The following TENT5C variants were observed in gnomAD, a reference collection of about 807,000 sequenced individuals.
The protein encoded by TENT5C is family with sequence similarity 46 member C.
A neutral mutation model predicts 22.2 loss-of-function variants in TENT5C; 5 were observed. The ratio of observed to expected loss-of-function variants is 0.22; its 90% confidence interval spans 0.12 to 0.47. The LOEUF (loss-of-function observed/expected upper bound fraction) is 0.47, where lower values mean the gene tolerates loss of function less well. Ranked by LOEUF, TENT5C falls within the 20% of genes least tolerant of loss-of-function variation. TENT5C has a pLI of 0.99. For synonymous variants in TENT5C, 199 were observed against 195.4 expected (o/e 1.02, Z -0.15); for missense variants, 364 against 500.9 (o/e 0.73, Z 2.61).
chr1:117,612,374 G>A (rs1342015604), intron 1 of TENT5C, among the ~76,000 whole-genome samples: 1 of 148,000 alleles, frequency 6.8e-6, no homozygotes, highest in Non-Finnish European at 1.5e-5. Context: ...TAGTTTCTTA[G>A]AGAATAATCA....
intron 1 of TENT5C, among the ~76,000 whole-genome samples, chr1:117,612,216 T>C (rs1370929773): frequency 6.6e-6 from 1 of 152,208 alleles, no homozygotes; most frequent in Non-Finnish European, 1.5e-5. Flanking sequence ...GCTTGAAACA[T>C]AGTAGGCATG....
intron 1 of TENT5C, among the ~76,000 whole-genome samples, chr1:117,620,581 AC>A (rs761230980): frequency 1.3e-3 from 196 of 151,944 alleles, no homozygotes; most frequent in Admixed American, 4.5e-3. Flanking sequence ...AGGGTTCCCC[AC>A]CCCCCTGACC....
rs71766466 is a variant in TENT5C at position 117,627,844 on chromosome 1, CTGTG to C, written c.*3817_*3820del. Reference sequence around the variant, plus strand: ...AAGGTTAAGATCAGGAAATAAAAGACTGTGTGTGTGTGTGTGTGTGCGTGTGTGT... The same window carrying C: ...AAGGTTAAGATCAGGAAATAAAAGACTGTGTGTGTGTGTGTGCGTGTGTGT... On this transcript the variant is annotated 3_prime_UTR_variant, in exon 2 of 2. Coordinates refer to ENST00000369448, the MANE Select transcript of TENT5C (RefSeq NM_017709.4). 642 of 235,574 alleles carry C rather than the reference CTGTG, an allele frequency of 2.7e-3. 2 individuals carry two copies. The highest frequency in any genetic ancestry group is 8.1e-3 in the African/African-American group (357 of 44,252). The allele number at this position is 235,574 out of a possible 1,614,324, so 14.6% of individuals were successfully genotyped here.
At chr1:117,612,195 C>T (rs1476169266) in intron 1 of TENT5C, among the ~76,000 whole-genome samples, 1 of 152,162 alleles carries the variant, frequency 6.6e-6, no homozygotes, top group Non-Finnish European at 1.5e-5. Flanking sequence ...ATCACAAGCT[C>T]CTGGAGCAGT....
In TENT5C at chr1:117,623,518, G is replaced by A; in HGVS notation, c.650G>A (p.Gly217Glu). Residue 217 changes from glycine (G) to glutamate (E), a missense_variant, in exon 2 of 2, where the codon GGG becomes GAG. Gly to Glu is a moderately conservative substitution (Grantham distance 98). This residue lies in a region of TENT5C where 303 missense variants were observed against 394.5 expected (regional missense o/e 0.77). Coordinates refer to ENST00000369448, the MANE Select transcript of TENT5C (RefSeq NM_017709.4). ...HPTVIGESMY[G>E]DFEEAFDHLQ... Reference sequence around the variant, plus strand: ...ACCGTGATTGGGGAGAGCATGTACGGGGACTTTGAGGAAGCTTTTGACCAT... The same window carrying A: ...ACCGTGATTGGGGAGAGCATGTACGAGGACTTTGAGGAAGCTTTTGACCAT... The A allele has an allele frequency of 6.2e-7, 1 of 1,613,904 alleles. No homozygotes were observed. The highest frequency in any genetic ancestry group is 8.5e-7 in the Non-Finnish European group (1 of 1,179,998).
rs780173405 is a variant in TENT5C at position 117,623,319 on chromosome 1, C to A, written c.451C>A (p.Arg151Ser). Residue 151 changes from arginine (R) to serine (S), a missense_variant, in exon 2 of 2, where the codon CGC becomes AGC. This residue lies in a region of TENT5C where 303 missense variants were observed against 394.5 expected (regional missense o/e 0.77). Transcript: ENST00000369448. ...AGTGAAGGTTTGCACGGACACTGAC[C>A]GCTGGAGCCTGATCTCCCTCTCCAA... ...KLVKVCTDTD[R>S]WSLISLSNKN... 4 of 1,613,982 alleles carry A rather than the reference C, an allele frequency of 2.5e-6. No individual in the cohort carries two copies. Among genetic ancestry groups the A allele is most frequent in the African/African-American group, 2.7e-5 (2 of 74,900 alleles).
chr1:117,625,858 A>G lies in TENT5C; in HGVS notation c.*1814A>G. 1 of 248,058 alleles carries G rather than the reference A, an allele frequency of 4.0e-6. No homozygotes were observed. The highest frequency in any genetic ancestry group is 8.5e-6 in the Non-Finnish European group (1 of 118,090). 15.4% of individuals were successfully genotyped at this position (248,058 alleles called of 1,614,324 possible). On this transcript the variant is annotated 3_prime_UTR_variant, in exon 2 of 2. Transcript: ENST00000369448. ...TATCTATGTTGTGCTACATTAGGTG[A>G]CTAGAAGCCACTTCTTAGTGTAATC...
In TENT5C at chr1:117,622,937, C is replaced by T. The variant is rs1441293811; in HGVS notation, c.69C>T (p.Ser23=). 20 of 1,614,082 alleles carry T rather than the reference C, an allele frequency of 1.2e-5. No homozygotes were observed. Among genetic ancestry groups the T allele is most frequent in the Non-Finnish European group, 1.7e-5 (20 of 1,180,038 alleles). The change falls in exon 2 of 2, where the codon AGC becomes AGT. Residue 23 remains serine (S), a synonymous_variant. Coordinates refer to ENST00000369448, the MANE Select transcript of TENT5C (RefSeq NM_017709.4). ...GCGTGCTCAACTGGGATCAGGTTAG[C>T]CGGCTGCATGAGGTCCTCACTGAAG... is the stretch of plus-strand genomic sequence containing the variant. ...SFSVLNWDQV[S]RLHEVLTEVV...
At chr1:117,612,347 C>T (rs202142873) in intron 1 of TENT5C, among the ~76,000 whole-genome samples, 3 of 145,284 alleles carry the variant, frequency 2.1e-5, no homozygotes, top group East Asian at 2.0e-4. Flanking sequence ...GGTGCTCATT[C>T]TTTTTTTTTT....
intron 1 of TENT5C, among the ~76,000 whole-genome samples, chr1:117,610,233 A>G (rs1029014846): frequency 1.3e-5 from 2 of 152,016 alleles, no homozygotes; most frequent in Admixed American, 6.5e-5. Flanking sequence ...CAGTCTGTGC[A>G]TTTGGAACTC....
chr1:117,628,100 A>G lies in TENT5C; in HGVS notation c.*4056A>G, dbSNP rs1378454164. On this transcript the variant is annotated 3_prime_UTR_variant, in exon 2 of 2. Transcript: ENST00000369448. The stretch of plus-strand genomic sequence containing the variant: ...CCTATCTGGTGTTTTATTTTAATGG[A>G]TAAAAATGTAATTTTTCTAAGGTAG... 1 of 247,930 alleles carries G rather than the reference A, an allele frequency of 4.0e-6. No homozygotes were observed. Among genetic ancestry groups the G allele is most frequent in the Non-Finnish European group, 8.5e-6 (1 of 118,098 alleles). The allele number at this position is 247,930 out of a possible 1,614,324, so 15.4% of individuals were successfully genotyped here.
At chr1:117,607,686 C>T (rs1657821) in intron 1 of TENT5C, among the ~76,000 whole-genome samples, 4 of 152,114 alleles carry the variant, frequency 2.6e-5, no homozygotes, top group Admixed American at 6.5e-5. Flanking sequence ...GTTGGGCAGC[C>T]GCAAGAGTGG....
rs1653724802 is a variant in TENT5C at position 117,614,064 on chromosome 1, CTCGAGTG to C, written c.-28+7914_-28+7920del. 2.0e-5 allele frequency among the ~76,000 whole-genome samples: 3 copies of C among 152,334 alleles called. No individual in the cohort carries two copies. The South Asian group carries it at 6.2e-4, about 32-fold the overall frequency. ...GCTGCTATTCCATGTACATGAAACA[CTCGAGTG>C]TCTGTTATCTGTAACTTTCATGTGT... On this transcript the variant is annotated intron_variant, in intron 1 of 1. Coordinates refer to ENST00000369448, the MANE Select transcript of TENT5C (RefSeq NM_017709.4).
chr1:117,618,351 G>C (rs1056580043), intron 1 of TENT5C, among the ~76,000 whole-genome samples: 1 of 151,882 alleles, frequency 6.6e-6, no homozygotes, highest in African/African-American at 2.4e-5. Context: ...GGTTAACATA[G>C]AATGAGATGA....
In TENT5C at chr1:117,623,282, T is replaced by G; in HGVS notation, c.414T>G (p.Tyr138Ter). The change falls in exon 2 of 2, where the codon TAT (tyrosine) becomes TAG (stop). Residue 138 changes from tyrosine (Y) to a stop codon, truncating the protein, a stop_gained. Coordinates refer to ENST00000369448, the MANE Select transcript of TENT5C (RefSeq NM_017709.4). LOFTEE classifies it high-confidence loss of function. Reference protein sequence around the residue: ...KISPVTLKEAYVQKLVKVCTD... With the variant: ...KISPVTLKEA ...GTCCAGTCACTCTGAAGGAGGCATA[T>G]GTGCAGAAGCTAGTGAAGGTTTGCA... 6.2e-7 allele frequency: 1 copy of G among 1,614,166 alleles called. No individual in the cohort carries two copies. Among genetic ancestry groups the G allele is most frequent in the African/African-American group, 1.3e-5 (1 of 75,038 alleles).
chr1:117,614,280 T>C (rs1207275609), intron 1 of TENT5C, among the ~76,000 whole-genome samples: 1 of 152,214 alleles, frequency 6.6e-6, no homozygotes, highest in Non-Finnish European at 1.5e-5. Flanking sequence ...CAGAAGGCCA[T>C]ATCCATGTTG....
rs542989230 is a variant in TENT5C, at chr1:117,624,119, G to C, written c.*75G>C. ...TCTCAGGTAGGGGAGCCTCCTTCTA[G>C]ATGTAGGCATTTGGCTTTTAAAGGG... is the stretch of plus-strand genomic sequence containing the variant. On this transcript the variant is annotated 3_prime_UTR_variant, in exon 2 of 2. Coordinates refer to ENST00000369448, the MANE Select transcript of TENT5C (RefSeq NM_017709.4). 5 of 1,259,156 alleles carry C rather than the reference G, an allele frequency of 4.0e-6. No individual in the cohort carries two copies. In the East Asian group the frequency reaches 1.3e-4, roughly 32 times the overall value. 78.0% of individuals were successfully genotyped at this position (1,259,156 alleles called of 1,614,324 possible). A position where few individuals can be genotyped will look rare whatever the true frequency, so the allele number is the denominator to read the frequency against.
intron 1 of TENT5C, among the ~76,000 whole-genome samples, chr1:117,614,102 G>T (rs888311299): frequency 2.0e-5 from 3 of 152,158 alleles, no homozygotes; most frequent in Admixed American, 2.0e-4. Flanking sequence ...TGTGTTTGGG[G>T]CTGTGGAGGA....
chr1:117,612,637 A>G (rs1653694722), intron 1 of TENT5C, among the ~76,000 whole-genome samples: 1 of 152,200 alleles, frequency 6.6e-6, no homozygotes, highest in Non-Finnish European at 1.5e-5. Flanking sequence ...CTTGAATGCC[A>G]ACTCCTAAGG....
Sources: allele counts gnomAD v4.1 joint callset (sites outside exome capture counted in the v4.1 genomes callset), GRCh38; gene constraint gnomAD v4.1.1; regional missense constraint gnomAD v4.1.1; transcripts MANE v1.5; gene names NCBI Gene and HGNC (gene_info 2026-07-23, HGNC 2026-07-21).